Variants in UNC45A observed in about 807,000 individuals in gnomAD.
UNC45A encodes protein unc-45 homolog A.
A neutral mutation model predicts 103.2 loss-of-function variants in UNC45A; 78 were observed. The ratio of observed to expected loss-of-function variants is 0.76; its 90% confidence interval spans 0.63 to 0.91. UNC45A has a LOEUF of 0.91. Ranked by LOEUF, UNC45A falls within the 40% of genes least tolerant of loss-of-function variation. The probability of loss-of-function intolerance (pLI) is 0.00; values close to 1 mark genes in which losing one functional copy is unlikely to be tolerated. For synonymous variants in UNC45A, 495 were observed against 504.6 expected (o/e 0.98, Z 0.25); for missense variants, 1,193 against 1,224.8 (o/e 0.97, Z 0.39).
upstream of UNC45A, chr15:90,934,956 G>C (rs1567146197): frequency 1.3e-5 from 6 of 462,734 alleles, no homozygotes; most frequent in South Asian, 8.9e-5. Flanking sequence ...GCCCAGGCCC[G>C]CTCCTAGTGC....
chr15:90,942,893 GTCT>G lies in UNC45A; in HGVS notation c.857-14_857-12del, dbSNP rs764054327. 6 of 1,591,324 alleles carry G rather than the reference GTCT, an allele frequency of 3.8e-6. No homozygotes were observed. Among genetic ancestry groups the G allele is most frequent in the Non-Finnish European group, 5.1e-6 (6 of 1,165,452 alleles). ...CTGGGCTGCTGTGGAGCCCACTGAT[GTCT>G]TCTTGTTGTTGCCAGATCCTGCCCG... is the stretch of plus-strand genomic sequence containing the variant. On this transcript the variant is annotated splice_polypyrimidine_tract_variant and intron_variant, in intron 7 of 19. Transcript: ENST00000418476.
intron 19 of UNC45A, 29 bp from the exon 20 acceptor site, chr15:90,953,430 G>A (rs1370272696): frequency 6.2e-7 from 1 of 1,610,532 alleles, no homozygotes. Context: ...TGTTGCCCAG[G>A]GGTCATATCT....
intron 11 of UNC45A, 74 bp downstream of exon 11, chr15:90,947,964 TG>T: frequency 7.0e-7 from 1 of 1,426,002 alleles, no homozygotes; most frequent in Non-Finnish European, 9.4e-7. Flanking sequence ...GGGTGGGGGT[TG>T]GGGCCTCCTC....
At chr15:90,945,567 G>C (rs2036521537) in intron 9 of UNC45A, among the ~76,000 whole-genome samples, 1 of 151,530 alleles carries the variant, frequency 6.6e-6, no homozygotes, top group Non-Finnish European at 1.5e-5. Flanking sequence ...CTCCATATTG[G>C]TCAGGCTGGT....
At chr15:90,930,557 CG>C (rs1336729079), upstream of UNC45A, 5 of 152,424 alleles carry the variant, frequency 3.3e-5, no homozygotes, top group East Asian at 7.7e-4. Flanking sequence ...TTAGTAGAGA[CG>C]GGGCCTCGCC....
intron 13 of UNC45A, 81 bp downstream of exon 13, chr15:90,948,875 C>CTT (rs5814443): frequency 0.025 from 23,980 of 969,796 alleles, 34 homozygotes; most frequent in South Asian, 0.029. Flanking sequence ...AACAACCTCC[C>CTT]TTTTTTTTTT....
chr15:90,937,950 C>G (rs966232439), intron 4 of UNC45A, among the ~76,000 whole-genome samples: 1 of 152,014 alleles, frequency 6.6e-6, no homozygotes, highest in Non-Finnish European at 1.5e-5. Flanking sequence ...CATGTCACCA[C>G]GCTCGCCTAA....
chr15:90,948,495 T>C (rs533544801), intron 12 of UNC45A, 159 bp from the exon 13 acceptor site: 2 of 1,336,668 alleles, frequency 1.5e-6, no homozygotes, highest in African/African-American at 2.9e-5. Context: ...AGGTCAAGTT[T>C]GTAAGCTCCC....
chr15:90,938,776 A>G (rs991431017), intron 4 of UNC45A, among the ~76,000 whole-genome samples: 1 of 152,190 alleles, frequency 6.6e-6, no homozygotes, highest in East Asian at 1.9e-4. Context: ...GATTCAAGCG[A>G]TTCTCCTGCT....
chr15:90,936,110 C>A, intron 3 of UNC45A, 128 bp downstream of exon 3: 2 of 1,524,734 alleles, frequency 1.3e-6, no homozygotes. Flanking sequence ...TTCTTTCCCA[C>A]TGCCTCGGGC....
At chr15:90,946,583 G>A (rs780528610) in intron 9 of UNC45A, 31 bp from the exon 10 acceptor site, 2 of 1,565,580 alleles carry the variant, frequency 1.3e-6, no homozygotes, top group East Asian at 4.5e-5. Context: ...TGTTGGCCTT[G>A]GTGTGACGGC....
chr15:90,935,686 C>T lies in UNC45A; in HGVS notation c.194C>T (p.Ala65Val). 8 of 1,562,260 alleles carry T rather than the reference C, an allele frequency of 5.1e-6. No homozygotes were observed. The highest frequency in any genetic ancestry group is 6.9e-6 in the Non-Finnish European group (8 of 1,156,884). The change falls in exon 2 of 20, where the codon GCC becomes GTC. Residue 65 changes from alanine (A) to valine (V), a missense_variant. Ala to Val is a moderately conservative substitution (Grantham distance 64). Transcript: ENST00000418476. ...CAGGCCGTTCTGCACCGGAACCGGG[C>T]CGCCTGCCACCTCAAGCTGGTGAGG... The part of the protein sequence containing the change: ...QDQAVLHRNR[A>V]ACHLKLEDYD...
intron 8 of UNC45A, among the ~76,000 whole-genome samples, chr15:90,943,875 G>C: frequency 6.6e-6 from 1 of 151,060 alleles, no homozygotes; most frequent in Non-Finnish European, 1.5e-5. Flanking sequence ...TTGTAGTAGA[G>C]ATAGAATCTC....
rs760137099 is a variant in UNC45A at position 90,943,100 on chromosome 15, C to T, written c.1027+18C>T. On this transcript the variant is annotated intron_variant, in intron 8 of 19. Transcript: ENST00000418476. Reference sequence around the variant, plus strand: ...CGACCAAGGTAGGTGATATAGTTCACAAAAACTTGCTTCAGCAGCTGAAGT... The same window carrying T: ...CGACCAAGGTAGGTGATATAGTTCATAAAAACTTGCTTCAGCAGCTGAAGT... 15 of 1,574,470 alleles carry T rather than the reference C, an allele frequency of 9.5e-6. No individual in the cohort carries two copies. The Middle Eastern group carries it at 5.1e-4, about 54-fold the overall frequency.
Position 90,944,883 on chromosome 15 carries a change from T to C in UNC45A, c.1028-9T>C, listed in dbSNP as rs781085306. The C allele has an allele frequency of 3.7e-6, 6 of 1,610,792 alleles. No individual in the cohort carries two copies. The South Asian group carries it at 4.4e-5, about 12-fold the overall frequency. ...AGTGTTCTACTGTCTAAGCGGGGTG[T>C]CTTTACAGGTCTGAAAAAGATTTTG... On this transcript the variant is annotated splice_polypyrimidine_tract_variant and intron_variant, in intron 8 of 19. Transcript: ENST00000418476.
chr15:90,953,369 G>A, intron 19 of UNC45A, 59 bp downstream of exon 19: 1 of 1,593,062 alleles, frequency 6.3e-7, no homozygotes, highest in Non-Finnish European at 8.5e-7. Context: ...AGCAGCAGCT[G>A]AAGGGGGCAG....
intron 10 of UNC45A, chr15:90,947,534 G>A (rs139193169): frequency 3.9e-6 from 2 of 518,360 alleles, no homozygotes; most frequent in African/African-American, 3.8e-5. Flanking sequence ...TCTCAGTGTG[G>A]CCTGGGAAGG....
At position 90,953,542 on chromosome 15, in the gene UNC45A, G is replaced by A. The variant is rs890220387; in HGVS notation, c.2661G>A (p.Leu887=). 1 of 1,614,048 alleles carries A rather than the reference G, an allele frequency of 6.2e-7. No homozygotes were observed. The highest frequency in any genetic ancestry group is 1.3e-5 in the African/African-American group (1 of 74,952). Reference sequence around the variant, plus strand: ...AGCACCGGGGTGCTGTGGTGGTGCTGAACATGGTGGAGGCCTCGAGGGAGA... The same window carrying A: ...AGCACCGGGGTGCTGTGGTGGTGCTAAACATGGTGGAGGCCTCGAGGGAGA... ...ELQHRGAVVV[L]NMVEASREIA... is the part of the protein sequence containing the mutation. Residue 887 remains leucine, a synonymous_variant, in exon 20 of 20, where the codon CTG becomes CTA. Transcript: ENST00000418476.
At chr15:90,948,366 A>G (rs1252022449) in intron 12 of UNC45A, 83 bp downstream of exon 12, 37 of 1,574,204 alleles carry the variant, frequency 2.4e-5, no homozygotes, top group South Asian at 3.5e-5. Flanking sequence ...GGCTTGGCCA[A>G]TGGGGTCTTT....
Sources: gnomAD v4.1 joint callset for allele counts (sites outside exome capture counted in the v4.1 genomes callset) on GRCh38, gnomAD v4.1.1 for gene constraint, MANE v1.5 for transcripts, NCBI Gene and HGNC (gene_info 2026-07-23, HGNC 2026-07-21) for gene names.